Variants in ATXN10 observed in about 807,000 individuals in gnomAD.
ATXN10 encodes the protein ataxin 10.
Under a neutral mutation model 52.9 loss-of-function variants are expected in ATXN10, and 28 were observed. The observed-to-expected ratio is 0.53, with a 90% CI of 0.39 to 0.73. The LOEUF (loss-of-function observed/expected upper bound fraction) is 0.73. ATXN10 is among the 30% of genes least tolerant of loss of function. ATXN10 has a pLI of 0.00. For synonymous variants in ATXN10, 226 were observed against 221.5 expected, an observed-to-expected ratio of 1.02 and a Z score of -0.18; for missense variants, 565 against 577.0, an observed-to-expected ratio of 0.98 and a Z score of 0.21.
At chr22:45,793,688 A>G (rs781162397) in intron 9 of ATXN10, 6 of 1,465,598 alleles carry the variant, frequency 4.1e-6, no homozygotes, top group Admixed American at 4.3e-5. Flanking sequence ...GAAGTCACCA[A>G]TCACACAGCT....
chr22:45,753,951 C>G (rs1392155743), intron 9 of ATXN10, among the ~76,000 whole-genome samples: 2 of 152,224 alleles, frequency 1.3e-5, no homozygotes, highest in East Asian at 1.9e-4. Flanking sequence ...CAAAAGCCAC[C>G]TACTTGTTTG....
rs1049821092 is a variant in ATXN10, at chr22:45,824,579, G to A, written c.1237+17557G>A. On this transcript the variant is annotated intron_variant, in intron 10 of 11. Coordinates refer to ENST00000252934, the MANE Select transcript of ATXN10 (RefSeq NM_013236.4). The surrounding 1 kb of genome is among the most constrained non-coding windows in gnomAD (Gnocchi z 5.2). Reference sequence around the variant, plus strand: ...GGAAAATGAGGAAACTCTAAGAATCGTGTCATATTTAATGAAATCTTCAAG... The same window carrying A: ...GGAAAATGAGGAAACTCTAAGAATCATGTCATATTTAATGAAATCTTCAAG... Among the ~76,000 whole-genome samples, 2 of 152,128 alleles carry A rather than the reference G, an allele frequency of 1.3e-5. No individual in the cohort carries two copies. The highest frequency in any genetic ancestry group is 4.8e-5 in the African/African-American group (2 of 41,420).
chr22:45,760,470 C>T (rs1034057549), intron 9 of ATXN10: 4 of 154,144 alleles, frequency 2.6e-5, no homozygotes, highest in Non-Finnish European at 4.4e-5. Flanking sequence ...AGCTCATGAT[C>T]TACTGTGGGA....
rs1202917434 is a variant in ATXN10 at position 45,786,363 on chromosome 22, T to C, written c.1174-20596T>C. Among the ~76,000 whole-genome samples, 2 of 152,230 alleles carry C rather than the reference T, an allele frequency of 1.3e-5. No individual in the cohort carries two copies. Among genetic ancestry groups the C allele is most frequent in the Admixed American group, 1.3e-4 (2 of 15,288 alleles). On this transcript the variant is annotated intron_variant, in intron 9 of 11. Coordinates refer to ENST00000252934, the MANE Select transcript of ATXN10 (RefSeq NM_013236.4). This position sits in a 1 kb window ranked among gnomAD's most constrained non-coding sequence, Gnocchi z 4.1. ...CATTCTCTCTGGATTCCTTTCTTTT[T>C]GGAGGTGTCATGGGGAGCAGGGTTA...
rs1419789736 is a variant in ATXN10, at chr22:45,754,316, C to T, written c.1173+13778C>T. ...TCACATGTTGACTTAACTTGTGAGT[C>T]TCCCTTTCTTCATCTGTAAAGTAGA... On this transcript the variant is annotated intron_variant, in intron 9 of 11. Transcript: ENST00000252934. This position sits in a 1 kb window ranked among gnomAD's most constrained non-coding sequence, Gnocchi z 5.4. Among the ~76,000 whole-genome samples the T allele has an allele frequency of 6.6e-6, 1 of 152,200 alleles. No individual in the cohort carries two copies. Among genetic ancestry groups the T allele is most frequent in the African/African-American group, 2.4e-5 (1 of 41,458 alleles).
intron 7 of ATXN10, among the ~76,000 whole-genome samples, chr22:45,736,194 C>T (rs575843446): frequency 6.6e-6 from 1 of 152,054 alleles, no homozygotes; most frequent in African/African-American, 2.4e-5. Flanking sequence ...ACTTATACTC[C>T]ATATGCCATC....
At chr22:45,776,496 C>A (rs183779512) in intron 9 of ATXN10, among the ~76,000 whole-genome samples, 4 of 151,508 alleles carry the variant, frequency 2.6e-5, no homozygotes, top group Admixed American at 2.0e-4. Context: ...AATTTGCACT[C>A]CCTGATACCT....
chr22:45,805,722 G>T lies in ATXN10; in HGVS notation c.1174-1237G>T, dbSNP rs1928078532. Among the ~76,000 whole-genome samples, 1 of 152,226 alleles carries T rather than the reference G, an allele frequency of 6.6e-6. No individual in the cohort carries two copies. The highest frequency in any genetic ancestry group is 2.4e-5 in the African/African-American group (1 of 41,466). On this transcript the variant is annotated intron_variant, in intron 9 of 11. Transcript: ENST00000252934. This position sits in a 1 kb window ranked among gnomAD's most constrained non-coding sequence, Gnocchi z 4.4. ...AGGGAAGAATAAGGAGTGACTGCCA[G>T]TGGGTGTGGAGTTTCTTTTAGGGGT...
chr22:45,761,961 T>A (rs1453388635), intron 9 of ATXN10, among the ~76,000 whole-genome samples: 1 of 152,220 alleles, frequency 6.6e-6, no homozygotes, highest in Admixed American at 6.5e-5. Flanking sequence ...TGGTCTTAAC[T>A]GAAGCAGGTG....
At chr22:45,717,953 G>A (rs973405531) in intron 5 of ATXN10, among the ~76,000 whole-genome samples, 3 of 152,104 alleles carry the variant, frequency 2.0e-5, no homozygotes, top group African/African-American at 7.2e-5. Context: ...CAATGAGGAT[G>A]TTTTCTTGGT....
chr22:45,765,367 G>A (rs1340880617), intron 9 of ATXN10, among the ~76,000 whole-genome samples: 2 of 152,090 alleles, frequency 1.3e-5, no homozygotes, highest in South Asian at 2.1e-4. Context: ...GTAGTAAAGC[G>A]AAACTTTGCC....
chr22:45,724,744 A>G (rs940665856), intron 6 of ATXN10, among the ~76,000 whole-genome samples: 9 of 152,114 alleles, frequency 5.9e-5, no homozygotes, highest in African/African-American at 1.7e-4. Context: ...GCCTTTGACA[A>G]TGTCATAAAG....
intron 3 of ATXN10, among the ~76,000 whole-genome samples, chr22:45,697,170 C>T (rs754669028): frequency 4.0e-5 from 6 of 151,860 alleles, no homozygotes; most frequent in Non-Finnish European, 8.8e-5. Context: ...AGTTTGCTCT[C>T]GTTGCCCAGG....
rs1053386334 is a variant in ATXN10, at chr22:45,728,788, G to A, written c.729-637G>A. On this transcript the variant is annotated intron_variant, in intron 6 of 11. Transcript: ENST00000252934. The surrounding 1 kb of genome is among the most constrained non-coding windows in gnomAD (Gnocchi z 4.3). ...TAACTTATATATTGATGTAAAAATG[G>A]CACAGTCTTGGTCTTCAGATTTGTG... is the stretch of plus-strand genomic sequence containing the variant. Among the ~76,000 whole-genome samples, 1 of 152,092 alleles carries A rather than the reference G, an allele frequency of 6.6e-6. No homozygotes were observed. The highest frequency in any genetic ancestry group is 1.5e-5 in the Non-Finnish European group (1 of 68,016).
At chr22:45,771,804 A>G (rs1445445590) in intron 9 of ATXN10, among the ~76,000 whole-genome samples, 4 of 151,958 alleles carry the variant, frequency 2.6e-5, no homozygotes, top group Non-Finnish European at 4.4e-5. Context: ...ATTTTTTTAA[A>G]AGAGAAGGGG....
Position 45,750,264 on chromosome 22 carries a change from TG to T in ATXN10, c.1173+9727del, listed in dbSNP as rs1268204785. Among the ~76,000 whole-genome samples, 1 of 151,984 alleles carries T rather than the reference TG, an allele frequency of 6.6e-6. No homozygotes were observed. ...TATGTCACCACACCTGGCAAATTTTTGTATTTTTTTTTGTAGAGGTGGGATT... is the reference window on the plus strand; with the variant it reads ...TATGTCACCACACCTGGCAAATTTTTTATTTTTTTTTGTAGAGGTGGGATT... On this transcript the variant is annotated intron_variant, in intron 9 of 11. Coordinates refer to ENST00000252934, the MANE Select transcript of ATXN10 (RefSeq NM_013236.4). This position sits in a 1 kb window ranked among gnomAD's most constrained non-coding sequence, Gnocchi z 4.2.
At position 45,737,163 on chromosome 22, in the gene ATXN10, G is replaced by A. The variant is rs539738811; in HGVS notation, c.895-1568G>A. Among the ~76,000 whole-genome samples, 7 of 152,292 alleles carry A rather than the reference G, an allele frequency of 4.6e-5. No homozygotes were observed. In the East Asian group the frequency reaches 1.2e-3, roughly 25 times the overall value. ...CTTGATTTGTTTTCAGTCCGTTACC[G>A]TTGTAATTCTTTCTGATGTTTAATG... On this transcript the variant is annotated intron_variant, in intron 7 of 11. Transcript: ENST00000252934.
At chr22:45,806,295 T>G (rs9626201) in intron 9 of ATXN10, among the ~76,000 whole-genome samples, 6,228 of 152,314 alleles carry the variant, frequency 0.041, 352 homozygotes, top group African/African-American at 0.12. Flanking sequence ...TTCCCTCTTA[T>G]GAGCACGTTT....
chr22:45,790,519 G>A lies in ATXN10; in HGVS notation c.1174-16440G>A, dbSNP rs563084286. On this transcript the variant is annotated intron_variant, in intron 9 of 11. Transcript: ENST00000252934. The surrounding 1 kb of genome is among the most constrained non-coding windows in gnomAD (Gnocchi z 4.7). ...TAGCAGACCATAGCAGAAAGTCTGT[G>A]ATATCTGAGGGAAAGATGGAGAAAG... 1.5e-4 allele frequency among the ~76,000 whole-genome samples: 23 copies of A among 152,308 alleles called. No homozygotes were observed. The highest frequency in any genetic ancestry group is 3.4e-3 in the Middle Eastern group (1 of 294).
Sources: allele counts gnomAD v4.1 joint callset (sites outside exome capture counted in the v4.1 genomes callset), GRCh38; gene constraint gnomAD v4.1.1; non-coding constraint Gnocchi (gnomAD v3.1); transcripts MANE v1.5; gene names NCBI Gene and HGNC (gene_info 2026-07-23, HGNC 2026-07-21).